CD37: variants seen among roughly 807,000 people sequenced by gnomAD.
CD37 encodes the protein leukocyte antigen CD37.
Under a neutral mutation model 38.9 loss-of-function variants are expected in CD37, and 37 were observed. The observed-to-expected ratio is 0.95, with a 90% confidence interval of 0.73 to 1.25. The LOEUF (loss-of-function observed/expected upper bound fraction) is 1.25, where lower values mean the gene tolerates loss of function less well. CD37 is among the 50% of genes most tolerant of loss of function. CD37 has a pLI of 0.00. For missense variants in CD37, 351 were observed against 360.1 expected (o/e 0.97, Z 0.20); for synonymous variants, 146 against 150.1 (o/e 0.97, Z 0.20).
Position 49,338,163 on chromosome 19 carries a change from G to A in CD37, c.447+134G>A, listed in dbSNP as rs911660907. 1.5e-5 allele frequency: 22 copies of A among 1,455,496 alleles called. No homozygotes were observed. The Admixed American group carries it at 3.4e-4, about 22-fold the overall frequency. 90.2% of individuals were successfully genotyped at this position (1,455,496 alleles called of 1,614,324 possible). A position where few individuals can be genotyped will look rare whatever the true frequency, so the allele number is the denominator to read the frequency against. ...CACCCCAATCCCTCCCAGGCCCGAC[G>A]CTCCCCACTCCCCAGATGACACAAC... On this transcript the variant is annotated intron_variant, in intron 5 of 7. Transcript: ENST00000323906. The surrounding 1 kb of genome is among the most constrained non-coding windows in gnomAD (Gnocchi z 5.0).
chr19:49,337,071 C>T, intron 3 of CD37, 38 bp downstream of exon 3: 1 of 1,613,918 alleles, frequency 6.2e-7, no homozygotes, highest in South Asian at 1.1e-5. Flanking sequence ...AGGAACACTC[C>T]TATCCCCACC....
At chr19:49,337,733 G>A (rs1971010329) in intron 4 of CD37, 192 bp from the exon 5 acceptor site, 2 of 1,536,106 alleles carry the variant, frequency 1.3e-6, no homozygotes, top group East Asian at 2.4e-5. Context: ...TGAAAGAAGA[G>A]ACAGAGACTT....
In CD37 at chr19:49,337,949, G is replaced by T. The variant is rs370552650; in HGVS notation, c.367G>T (p.Val123Leu). 50 of 1,613,944 alleles carry T rather than the reference G, an allele frequency of 3.1e-5. No individual in the cohort carries two copies. The highest frequency in any genetic ancestry group is 4.2e-5 in the Non-Finnish European group (49 of 1,179,990). Residue 123 changes from valine (V) to leucine (L), a missense_variant, in exon 5 of 8, where the codon GTA (valine) becomes TTA (leucine). Val to Leu is a conservative substitution (Grantham distance 32, BLOSUM62 1). Transcript: ENST00000323906. The stretch of plus-strand genomic sequence containing the variant: ...GCTGGAGCGAAGCTTGCGGGACGTC[G>T]TAGAGAAAACCATCCAAAAGTACGG... Reference protein sequence around the residue: ...AQLERSLRDVVEKTIQKYGTN... With the variant: ...AQLERSLRDVLEKTIQKYGTN...
Position 49,339,571 on chromosome 19 carries a change from G to A in CD37, c.768+158G>A. The A allele has an allele frequency of 1.4e-6, 2 of 1,456,756 alleles. No homozygotes were observed. The highest frequency in any genetic ancestry group is 1.8e-6 in the Non-Finnish European group (2 of 1,106,408). The allele number at this position is 1,456,756 out of a possible 1,614,324, so 90.2% of individuals were successfully genotyped here. ...CTCCACCCAGCACCGGAGGGTGGGG[G>A]CGGCCCAGCTTCAGGGAGCCCTGAT... On this transcript the variant is annotated intron_variant, in intron 7 of 7. Coordinates refer to ENST00000323906, the MANE Select transcript of CD37 (RefSeq NM_001774.3). The surrounding 1 kb of genome is among the most constrained non-coding windows in gnomAD (Gnocchi z 4.5).
Position 49,339,491 on chromosome 19 carries a change from T to G in CD37, c.768+78T>G, listed in dbSNP as rs756908780. On this transcript the variant is annotated intron_variant, in intron 7 of 7. Transcript: ENST00000323906. The surrounding 1 kb of genome is among the most constrained non-coding windows in gnomAD (Gnocchi z 4.5). ...TGCCCTTCATTTCGCGTCCTTCGGT[T>G]GCCTGGGAAGGACGAGCTCAGGGCG... 3 of 1,542,858 alleles carry G rather than the reference T, an allele frequency of 1.9e-6. No individual in the cohort carries two copies. Among genetic ancestry groups the G allele is most frequent in the African/African-American group, 2.7e-5 (2 of 73,854 alleles).
At position 49,339,290 on chromosome 19, in the gene CD37, C is replaced by T; in HGVS notation, c.685-40C>T. 1 of 1,570,666 alleles carries T rather than the reference C, an allele frequency of 6.4e-7. No individual in the cohort carries two copies. Among genetic ancestry groups the T allele is most frequent in the Non-Finnish European group, 8.8e-7 (1 of 1,142,414 alleles). On this transcript the variant is annotated intron_variant, in intron 6 of 7. Transcript: ENST00000323906. The surrounding 1 kb of genome is among the most constrained non-coding windows in gnomAD (Gnocchi z 4.5). ...GAACGCTGGGCCTGGGCTTGAGAGTCCCAGAAAGAATCCCTTTAACTTTTC... is the reference window on the plus strand; with the variant it reads ...GAACGCTGGGCCTGGGCTTGAGAGTTCCAGAAAGAATCCCTTTAACTTTTC...
chr19:49,337,706 G>C, intron 4 of CD37: 2 of 1,533,668 alleles, frequency 1.3e-6, no homozygotes, highest in Non-Finnish European at 1.7e-6. Context: ...GAGAACAAGA[G>C]AAAGAAATAG....
chr19:49,340,409 TC>T lies in CD37; in HGVS notation c.*85del. 2 of 1,019,388 alleles carry T rather than the reference TC, an allele frequency of 2.0e-6. No homozygotes were observed. The highest frequency in any genetic ancestry group is 3.1e-6 in the Non-Finnish European group (2 of 652,092). 63.1% of individuals were successfully genotyped at this position (1,019,388 alleles called of 1,614,324 possible). A position where few individuals can be genotyped will look rare whatever the true frequency, so the allele number is the denominator to read the frequency against. On this transcript the variant is annotated 3_prime_UTR_variant, in exon 8 of 8. Transcript: ENST00000323906. ...CTGCTGCCTGTAAATATTTGTTTAA[TC>T]CCCAGTTCGCCTGGAGCCCTCCGCC...
chr19:49,335,801 GGCAGGT>G lies in CD37; in HGVS notation c.142+17_142+22del. 4 of 1,601,390 alleles carry G rather than the reference GGCAGGT, an allele frequency of 2.5e-6. No homozygotes were observed. Among genetic ancestry groups the G allele is most frequent in the Non-Finnish European group, 3.4e-6 (4 of 1,169,202 alleles). On this transcript the variant is annotated intron_variant, in intron 2 of 7. Coordinates refer to ENST00000323906, the MANE Select transcript of CD37 (RefSeq NM_001774.3). This position sits in a 1 kb window ranked among gnomAD's most constrained non-coding sequence, Gnocchi z 4.6. ...GTCCTTTGTGGGTGAGGGGGGCTGG[GGCAGGT>G]GGGAGGGCCTCCCCCAACCCAAGCA...
At chr19:49,340,228 G>T (rs761266164) in intron 7 of CD37, 23 bp from the exon 8 acceptor site, 2 of 1,603,628 alleles carry the variant, frequency 1.2e-6, no homozygotes, top group South Asian at 2.2e-5. Context: ...CGACTTCTCT[G>T]ACCTCATCTC....
intron 2 of CD37, chr19:49,336,045 A>C: frequency 1.9e-6 from 1 of 531,328 alleles, no homozygotes; most frequent in Non-Finnish European, 3.4e-6. Flanking sequence ...ATGCCCCCAC[A>C]AACCTTCCCC....
In CD37 at chr19:49,337,705, AGAAAGAAATAGAC is replaced by A. The variant is rs1971008767; in HGVS notation, c.343-218_343-206del. On this transcript the variant is annotated intron_variant, in intron 4 of 7. Coordinates refer to ENST00000323906, the MANE Select transcript of CD37 (RefSeq NM_001774.3). ...ACACACGGGAAAAAGAGAGAACAAG[AGAAAGAAATAGAC>A]GCCCTGAAAGAAGAGACAGAGACTT... 1.8e-5 allele frequency: 28 copies of A among 1,533,516 alleles called. 1 individual carries two copies. The African/African-American group carries it at 2.6e-4, about 14-fold the overall frequency. The allele number at this position is 1,533,516 out of a possible 1,614,324, so 95.0% of individuals were successfully genotyped here.
At chr19:49,337,869 GA>G in intron 4 of CD37, 55 bp from the exon 5 acceptor site, 3 of 1,608,768 alleles carry the variant, frequency 1.9e-6, no homozygotes, top group Non-Finnish European at 2.5e-6. Flanking sequence ...CACAGCCTGA[GA>G]GGGGGAGGGG....
rs1337325267 is a variant in CD37, at chr19:49,338,881, CCAGA to C, written c.632_635del (p.Arg211ThrfsTer34). On this transcript the variant is annotated frameshift_variant, in exon 6 of 8. Transcript: ENST00000323906. LOFTEE classifies it high-confidence loss of function. The surrounding 1 kb of genome is among the most constrained non-coding windows in gnomAD (Gnocchi z 5.0). ...AGCAGGCTTGGACACCTGGCGCGGTCCAGACACAGTGCAGACATCTGCGCTGTCC... is the reference window on the plus strand; with the variant it reads ...AGCAGGCTTGGACACCTGGCGCGGTCCACAGTGCAGACATCTGCGCTGTCC... The C allele has an allele frequency of 1.2e-6, 2 of 1,614,150 alleles. No individual in the cohort carries two copies. Among genetic ancestry groups the C allele is most frequent in the Admixed American group, 1.7e-5 (1 of 60,032 alleles).
chr19:49,335,873 C>A lies in CD37; in HGVS notation c.142+87C>A. 9.1e-7 allele frequency: 1 copy of A among 1,094,144 alleles called. No homozygotes were observed. The highest frequency in any genetic ancestry group is 1.4e-6 in the Non-Finnish European group (1 of 718,362). 67.8% of individuals were successfully genotyped at this position (1,094,144 alleles called of 1,614,324 possible). ...CCTTGTCTCAGGGAGACCTACGGTG[C>A]CCTACTCTGCAGGCAGGCTACAGGC... On this transcript the variant is annotated intron_variant, in intron 2 of 7. Transcript: ENST00000323906. The surrounding 1 kb of genome is among the most constrained non-coding windows in gnomAD (Gnocchi z 4.6).
chr19:49,339,697 GCA>G lies in CD37; in HGVS notation c.768+286_768+287del. 7.1e-7 allele frequency: 1 copy of G among 1,411,710 alleles called. No homozygotes were observed. Among genetic ancestry groups the G allele is most frequent in the Non-Finnish European group, 9.2e-7 (1 of 1,088,526 alleles). 87.4% of individuals were successfully genotyped at this position (1,411,710 alleles called of 1,614,324 possible). On this transcript the variant is annotated intron_variant, in intron 7 of 7. Transcript: ENST00000323906. This position sits in a 1 kb window ranked among gnomAD's most constrained non-coding sequence, Gnocchi z 4.5. ...GCTGAGCGTACAGCTACAGCGCAGG[GCA>G]CTCCGCCGGAAATGCGAGCCGCACG...
At position 49,338,984 on chromosome 19, in the gene CD37, C is replaced by T. The variant is rs758465393; in HGVS notation, c.684+48C>T. ...AACCTGTCGAATGGGGCGGGGCCTGCGGGAGGGGGAGGGCTGTCAGTGAGT... is the reference window on the plus strand; with the variant it reads ...AACCTGTCGAATGGGGCGGGGCCTGTGGGAGGGGGAGGGCTGTCAGTGAGT... On this transcript the variant is annotated intron_variant, in intron 6 of 7. Transcript: ENST00000323906. The surrounding 1 kb of genome is among the most constrained non-coding windows in gnomAD (Gnocchi z 5.0). The T allele has an allele frequency of 1.7e-6, 2 of 1,201,480 alleles. No homozygotes were observed. Among genetic ancestry groups the T allele is most frequent in the African/African-American group, 3.1e-5 (2 of 63,898 alleles). The allele number at this position is 1,201,480 out of a possible 1,614,324, so 74.4% of individuals were successfully genotyped here.
chr19:49,335,983 T>C lies in CD37; in HGVS notation c.142+197T>C, dbSNP rs1970939655. On this transcript the variant is annotated intron_variant, in intron 2 of 7. Coordinates refer to ENST00000323906, the MANE Select transcript of CD37 (RefSeq NM_001774.3). The surrounding 1 kb of genome is among the most constrained non-coding windows in gnomAD (Gnocchi z 4.6). Reference sequence around the variant, plus strand: ...TTGTGCATACAAACAACAATGATCATGAGAGCCATTTCTCAAGCACTTCCT... The same window carrying C: ...TTGTGCATACAAACAACAATGATCACGAGAGCCATTTCTCAAGCACTTCCT... 1.7e-6 allele frequency: 1 copy of C among 605,176 alleles called. No homozygotes were observed. The highest frequency in any genetic ancestry group is 2.0e-5 in the South Asian group (1 of 51,076). The allele number at this position is 605,176 out of a possible 1,614,324, so 37.5% of individuals were successfully genotyped here.
chr19:49,336,964 C>T lies in CD37; in HGVS notation c.198C>T (p.Ile66=), dbSNP rs149567989. 7.2e-5 allele frequency: 117 copies of T among 1,614,220 alleles called. No homozygotes were observed. The African/African-American group carries it at 1.5e-3, about 21-fold the overall frequency. ...CCAAAGTCCTGGCCATCTCAGGAAT[C>T]TTCACCATGGGCATCGCCCTCCTGG... The part of the protein sequence containing the change: ...IWSKVLAISG[I]FTMGIALLGC... The change falls in exon 3 of 8, where the codon ATC becomes ATT. Residue 66 remains isoleucine, a synonymous_variant. Coordinates refer to ENST00000323906, the MANE Select transcript of CD37 (RefSeq NM_001774.3).
Sources: allele counts gnomAD v4.1 joint callset, GRCh38; gene constraint gnomAD v4.1.1; non-coding constraint Gnocchi (gnomAD v3.1); transcripts MANE v1.5; gene names NCBI Gene and HGNC (gene_info 2026-07-23, HGNC 2026-07-21).